The following PCSK5 variants were observed in gnomAD, a reference collection of about 807,000 sequenced individuals.
The protein encoded by PCSK5 is proprotein convertase subtilisin/kexin type 5, also known as prohormone convertase 5.
Under a neutral mutation model 233.2 loss-of-function variants are expected in PCSK5, and 129 were observed. The ratio of observed to expected loss-of-function variants is 0.55; its 90% CI spans 0.48 to 0.64. The LOEUF is 0.64. Ranked by LOEUF, PCSK5 falls within the 30% of genes least tolerant of loss-of-function variation. PCSK5 has a pLI of 0.00. For missense variants in PCSK5, 2,076 were observed against 2,430.1 expected, an observed-to-expected ratio of 0.85 and a Z score of 3.06; for synonymous variants, 825 against 879.2, an observed-to-expected ratio of 0.94 and a Z score of 1.09.
intron 8 of PCSK5, among the ~76,000 whole-genome samples, chr9:76,106,376 A>T (rs1465066594): frequency 6.6e-6 from 1 of 152,228 alleles, no homozygotes; most frequent in Middle Eastern, 3.2e-3. Context: ...ATCTTATTCC[A>T]TAGTATTAAA....
intron 3 of PCSK5, among the ~76,000 whole-genome samples, chr9:76,006,281 CCAAT>C (rs1827476359): frequency 6.6e-6 from 1 of 152,008 alleles, no homozygotes; most frequent in East Asian, 1.9e-4. Flanking sequence ...ATAAATATGA[CCAAT>C]AAATTTCATC....
At chr9:76,162,854 A>G (rs1358713533) in intron 12 of PCSK5, among the ~76,000 whole-genome samples, 1 of 152,140 alleles carries the variant, frequency 6.6e-6, no homozygotes, top group African/African-American at 2.4e-5. Flanking sequence ...AGAATTTCCA[A>G]CACTGCACAC....
At chr9:76,085,858 C>T (rs1006365131) in intron 7 of PCSK5, among the ~76,000 whole-genome samples, 42 of 152,200 alleles carry the variant, frequency 2.8e-4, no homozygotes, top group Non-Finnish European at 4.4e-4. Context: ...CTAGAGCTAA[C>T]TTAGAGAAGA....
At chr9:76,300,026 A>G (rs1042257341) in intron 27 of PCSK5, among the ~76,000 whole-genome samples, 1 of 152,224 alleles carries the variant, frequency 6.6e-6, no homozygotes, top group African/African-American at 2.4e-5. Context: ...AGTCTAATCT[A>G]CAGAACACAG....
intron 3 of PCSK5, among the ~76,000 whole-genome samples, chr9:76,018,497 C>T (rs1223575682): frequency 6.6e-6 from 1 of 151,822 alleles, no homozygotes; most frequent in South Asian, 2.1e-4. Context: ...GTGAACTGCG[C>T]ATGCGAGGGA....
At position 76,136,355 on chromosome 9, in the gene PCSK5, A is replaced by G. The variant is rs893314935; in HGVS notation, c.1312+2143A>G. On this transcript the variant is annotated intron_variant, in intron 10 of 37. Coordinates refer to ENST00000674117, the MANE Select transcript of PCSK5 (RefSeq NM_001372043.1). ...TTTGGGGAAGTGGAGAATGCAGGGT[A>G]CTAGGACTGCAGAAAGATGCTATGA... 4.6e-5 allele frequency among the ~76,000 whole-genome samples: 7 copies of G among 152,236 alleles called. No individual in the cohort carries two copies. The South Asian group carries it at 1.0e-3, about 23-fold the overall frequency.
chr9:75,974,031 C>T (rs1036872831), intron 2 of PCSK5, among the ~76,000 whole-genome samples: 34 of 152,232 alleles, frequency 2.2e-4, no homozygotes, highest in African/African-American at 8.2e-4. Context: ...GGTCTTCAGA[C>T]TGAGAAAGTG....
At chr9:75,971,470 G>A (rs1415722148) in intron 2 of PCSK5, among the ~76,000 whole-genome samples, 2 of 152,148 alleles carry the variant, frequency 1.3e-5, no homozygotes, top group African/African-American at 2.4e-5. Context: ...TTCTGGGTCA[G>A]ATGGTATTTC....
chr9:76,174,089 T>C (rs1350396311), intron 13 of PCSK5, among the ~76,000 whole-genome samples: 1 of 152,194 alleles, frequency 6.6e-6, no homozygotes, highest in African/African-American at 2.4e-5. Context: ...GAAATATGGT[T>C]AGTGTGATGG....
At chr9:76,324,117 G>A (rs1829291496) in intron 32 of PCSK5, among the ~76,000 whole-genome samples, 3 of 151,860 alleles carry the variant, frequency 2.0e-5, no homozygotes, top group Admixed American at 2.0e-4. Flanking sequence ...GTAGAGAGGG[G>A]GTTTCACCAT....
At chr9:76,176,780 A>G (rs1823635100) in intron 14 of PCSK5, among the ~76,000 whole-genome samples, 1 of 152,144 alleles carries the variant, frequency 6.6e-6, no homozygotes, top group Non-Finnish European at 1.5e-5. Context: ...TTATATGGCC[A>G]CTTTGCTTAA....
At chr9:76,186,601 G>C (rs1261684800) in intron 17 of PCSK5, among the ~76,000 whole-genome samples, 3 of 152,158 alleles carry the variant, frequency 2.0e-5, no homozygotes, top group African/African-American at 7.2e-5. Context: ...TTCAGGGTTG[G>C]TGACTGCTGT....
At chr9:75,922,095 G>A (rs1262635349) in intron 1 of PCSK5, among the ~76,000 whole-genome samples, 3 of 152,010 alleles carry the variant, frequency 2.0e-5, no homozygotes, top group African/African-American at 7.3e-5. Context: ...ATCATTGCTC[G>A]GCACATAGTA....
At chr9:76,079,719 A>T (rs1830766581) in intron 7 of PCSK5, among the ~76,000 whole-genome samples, 1 of 152,026 alleles carries the variant, frequency 6.6e-6, no homozygotes, top group African/African-American at 2.4e-5. Context: ...GAGTGTTGAG[A>T]GTGGGCATTC....
chr9:76,025,014 T>C (rs1828360495), intron 4 of PCSK5, among the ~76,000 whole-genome samples: 1 of 152,176 alleles, frequency 6.6e-6, no homozygotes, highest in Non-Finnish European at 1.5e-5. Flanking sequence ...GTACATTAGA[T>C]ACACTCTGAA....
intron 5 of PCSK5, among the ~76,000 whole-genome samples, chr9:76,051,882 A>C (rs2131558193): frequency 6.6e-6 from 1 of 152,330 alleles, no homozygotes; most frequent in East Asian, 1.9e-4. Flanking sequence ...AGAAGACTAA[A>C]CAGAACCCTC....
chr9:75,894,712 A>G (rs1825740554), intron 1 of PCSK5, among the ~76,000 whole-genome samples: 1 of 152,192 alleles, frequency 6.6e-6, no homozygotes, highest in Admixed American at 6.5e-5. Flanking sequence ...TAGTGGAACC[A>G]GCACCTTCTG....
intron 9 of PCSK5, among the ~76,000 whole-genome samples, chr9:76,108,453 G>A (rs1192076069): frequency 6.6e-6 from 1 of 152,154 alleles, no homozygotes; most frequent in Non-Finnish European, 1.5e-5. Flanking sequence ...GAGGCTCAGG[G>A]ATTACAATAA....
At chr9:76,176,785 G>A (rs182930096) in intron 14 of PCSK5, among the ~76,000 whole-genome samples, 1 of 152,214 alleles carries the variant, frequency 6.6e-6, no homozygotes, top group East Asian at 1.9e-4. Flanking sequence ...TGGCCACTTT[G>A]CTTAACTCTC....
Sources: allele counts gnomAD v4.1 joint callset (sites outside exome capture counted in the v4.1 genomes callset), GRCh38; gene constraint gnomAD v4.1.1; transcripts MANE v1.5; gene names NCBI Gene and HGNC (gene_info 2026-07-23, HGNC 2026-07-21).